The following OR9A2 variants were observed in gnomAD, a reference collection of about 807,000 sequenced individuals.
OR9A2 encodes olfactory receptor 9A2.
Under a neutral mutation model 18.7 loss-of-function variants are expected in OR9A2, and 14 were observed. That is an observed-to-expected ratio of 0.75 (90% CI 0.50 to 1.17). OR9A2 has a LOEUF of 1.17. OR9A2 is among the 50% of genes most tolerant of loss of function. The pLI is 0.00. For synonymous variants in OR9A2, 142 were observed against 142.6 expected, an observed-to-expected ratio of 1.00 and a Z score of 0.03; for missense variants, 353 against 372.7, an observed-to-expected ratio of 0.95 and a Z score of 0.44.
In OR9A2 at chr7:143,026,661, C is replaced by T; in HGVS notation, c.472G>A (p.Ala158Thr). 6.2e-7 allele frequency: 1 copy of T among 1,614,126 alleles called. No homozygotes were observed. The highest frequency in any genetic ancestry group is 1.3e-5 in the African/African-American group (1 of 75,010). The change falls in exon 1 of 1, where the codon GCC becomes ACC. Residue 158 changes from alanine (A) to threonine (T), a missense_variant. Transcript: ENST00000350513. Reference sequence around the variant, plus strand: ...TTGCGGAAGGTAAACTGAAATGTGGCATAGATGGGCCAGATTTCAGAAAGA... The same window carrying T: ...TTGCGGAAGGTAAACTGAAATGTGGTATAGATGGGCCAGATTTCAGAAAGA... ...GFLSEIWPIY[A>T]TFQFTFRKSN...
In OR9A2 at chr7:143,026,901, G is replaced by A; in HGVS notation, c.232C>T (p.Pro78Ser). Residue 78 changes from proline (P) to serine (S), a missense_variant, in exon 1 of 1, where the codon CCC becomes TCC. Coordinates refer to ENST00000350513, the MANE Select transcript of OR9A2 (RefSeq NM_001001658.1). ...AAGAGCAATCCCCAAAGCATCATGGGGACAATTATGGTTGTGACCAGGATC... is the reference window on the plus strand; with the variant it reads ...AAGAGCAATCCCCAAAGCATCATGGAGACAATTATGGTTGTGACCAGGATC... ...LEILVTTIIV[P>S]MMLWGLLFLG... 6.2e-7 allele frequency: 1 copy of A among 1,614,128 alleles called. No homozygotes were observed. The highest frequency in any genetic ancestry group is 1.1e-5 in the South Asian group (1 of 91,076).
rs149661607 is a variant in OR9A2, at chr7:143,027,000, T to C, written c.133A>G (p.Ile45Val). ...CGTTTATCCACACAGACAATCACAA[T>C]GATGACCGTGTTTCCCATTAATGTC... ...LVTLMGNTVI[I>V]VIVCVDKRLQ... The change falls in exon 1 of 1, where the codon ATT becomes GTT. Residue 45 changes from isoleucine (I) to valine (V), a missense_variant. By Grantham distance (29) the Ile-to-Val change is conservative. Coordinates refer to ENST00000350513, the MANE Select transcript of OR9A2 (RefSeq NM_001001658.1). 1.1e-5 allele frequency: 18 copies of C among 1,613,928 alleles called. No homozygotes were observed. The highest frequency in any genetic ancestry group is 5.3e-5 in the African/African-American group (4 of 74,870).
Position 143,026,806 on chromosome 7 carries a change from T to C in OR9A2, c.327A>G (p.Ala109=). The C allele has an allele frequency of 1.2e-6, 2 of 1,614,116 alleles. No individual in the cohort carries two copies. The highest frequency in any genetic ancestry group is 1.3e-5 in the African/African-American group (1 of 75,022). ...GGTCCACAGCCATCACTCCAAGTAA[T>C]GCAAACTCCATGGTCCCACAGGAAA... The part of the protein sequence containing the change: ...LNFSCGTMEF[A]LLGVMAVDRY... The change falls in exon 1 of 1, where the codon GCA becomes GCG. Residue 109 remains alanine, a synonymous_variant. Coordinates refer to ENST00000350513, the MANE Select transcript of OR9A2 (RefSeq NM_001001658.1).
chr7:143,026,526 G>C lies in OR9A2; in HGVS notation c.607C>G (p.Leu203Val). ...FILFLMAVFI[L>V]IGSLIPTIVS... ...ATCGTAGGGATCAAAGAACCAATGAGAATAAAAACAGCCATTAAGAAAAGG... is the reference window on the plus strand; with the variant it reads ...ATCGTAGGGATCAAAGAACCAATGACAATAAAAACAGCCATTAAGAAAAGG... The change falls in exon 1 of 1, where the codon CTC (leucine) becomes GTC (valine). Residue 203 changes from leucine (L) to valine (V), a missense_variant. Leu to Val is a conservative substitution (Grantham distance 32, BLOSUM62 1). Coordinates refer to ENST00000350513, the MANE Select transcript of OR9A2 (RefSeq NM_001001658.1). 1 of 1,614,106 alleles carries C rather than the reference G, an allele frequency of 6.2e-7. No individual in the cohort carries two copies.
In OR9A2 at chr7:143,026,271, G is replaced by A. The variant is rs1185612970; in HGVS notation, c.862C>T (p.Leu288Phe). 4.3e-6 allele frequency: 7 copies of A among 1,613,626 alleles called. No individual in the cohort carries two copies. Among genetic ancestry groups the A allele is most frequent in the Non-Finnish European group, 5.9e-6 (7 of 1,179,864 alleles). Residue 288 changes from leucine to phenylalanine, a missense_variant, in exon 1 of 1, where the codon CTT becomes TTT. Coordinates refer to ENST00000350513, the MANE Select transcript of OR9A2 (RefSeq NM_001001658.1). The part of the protein sequence containing the change: ...TPFLNPFIFT[L>F]RNDKVKEALR... ...GCCTCTTTGACTTTGTCATTCCGAA[G>A]AGTAAAGATGAAAGGATTCAGGAAG...
rs752588816 is a variant in OR9A2, at chr7:143,026,813, T to C, written c.320A>G (p.Glu107Gly). 93 of 1,613,906 alleles carry C rather than the reference T, an allele frequency of 5.8e-5. No homozygotes were observed. The highest frequency in any genetic ancestry group is 7.1e-5 in the Non-Finnish European group (84 of 1,180,006). The change falls in exon 1 of 1, where the codon GAG (glutamate) becomes GGG (glycine). Residue 107 changes from glutamate (E) to glycine (G), a missense_variant. By Grantham distance (98) the Glu-to-Gly change is moderately conservative. Coordinates refer to ENST00000350513, the MANE Select transcript of OR9A2 (RefSeq NM_001001658.1). ...VSLNFSCGTMEFALLGVMAVD... is the reference protein window; with the variant it reads ...VSLNFSCGTMGFALLGVMAVD... ...AGCCATCACTCCAAGTAATGCAAAC[T>C]CCATGGTCCCACAGGAAAAGTTGAG... is the stretch of plus-strand genomic sequence containing the variant.
At position 143,027,047 on chromosome 7, in the gene OR9A2, A is replaced by T. The variant is rs1305903059; in HGVS notation, c.86T>A (p.Ile29Lys). The T allele has an allele frequency of 6.2e-7, 1 of 1,614,036 alleles. No individual in the cohort carries two copies. Among genetic ancestry groups the T allele is most frequent in the African/African-American group, 1.3e-5 (1 of 75,042 alleles). Reference sequence around the variant, plus strand: ...TGTCACTAAATAGAAGAAAAAGAATATAGCAAAAAGAATGTGGTGTAGTCC... The same window carrying T: ...TGTCACTAAATAGAAGAAAAAGAATTTAGCAAAAAGAATGTGGTGTAGTCC... ...SQGLHHILFAIFFFFYLVTLM... is the reference protein window; with the variant it reads ...SQGLHHILFAKFFFFYLVTLM... Residue 29 changes from isoleucine to lysine, a missense_variant, in exon 1 of 1, where the codon ATA (isoleucine) becomes AAA (lysine). By Grantham distance (102) the Ile-to-Lys change is moderately radical. Coordinates refer to ENST00000350513, the MANE Select transcript of OR9A2 (RefSeq NM_001001658.1).
Position 143,026,859 on chromosome 7 carries a change from A to T in OR9A2, c.274T>A (p.Tyr92Asn). The change falls in exon 1 of 1, where the codon TAT (tyrosine) becomes AAT (asparagine). Residue 92 changes from tyrosine (Y) to asparagine (N), a missense_variant. Tyr to Asn is a moderately radical substitution (Grantham distance 143). Transcript: ENST00000350513. ...WGLLFLGCRQ[Y>N]LSLHVSLNFS... ...TTGAGCGATACATGTAGAGAAAGAT[A>T]CTGTCTGCATCCCAGGAAGAGCAAT... 1 of 1,614,224 alleles carries T rather than the reference A, an allele frequency of 6.2e-7. No homozygotes were observed. Among genetic ancestry groups the T allele is most frequent in the Non-Finnish European group, 8.5e-7 (1 of 1,180,038 alleles).
Position 143,026,418 on chromosome 7 carries a change from A to G in OR9A2, c.715T>C (p.Ser239Pro), listed in dbSNP as rs114974607. ...GRRKAFSTFASHFTCVVIGYG... is the reference protein window; with the variant it reads ...GRRKAFSTFAPHFTCVVIGYG... Reference sequence around the variant, plus strand: ...CCAATCACAACACAGGTGAAGTGGGAGGCAAAAGTGGAGAAGGCTTTCCTC... The same window carrying G: ...CCAATCACAACACAGGTGAAGTGGGGGGCAAAAGTGGAGAAGGCTTTCCTC... The change falls in exon 1 of 1, where the codon TCC (serine) becomes CCC (proline). Residue 239 changes from serine to proline, a missense_variant. Transcript: ENST00000350513. The G allele has an allele frequency of 1.4e-4, 224 of 1,614,146 alleles. No homozygotes were observed. In the African/African-American group the frequency reaches 2.5e-3, roughly 18 times the overall value.
In OR9A2 at chr7:143,026,766, A is replaced by G. The variant is rs770397800; in HGVS notation, c.367T>C (p.Cys123Arg). ...ATGATGTTGTACCTCAAAGGGTTAC[A>G]CACAGCCACATAACGGTCCACAGCC... ...VMAVDRYVAVCNPLRYNIIMN... is the reference protein window; with the variant it reads ...VMAVDRYVAVRNPLRYNIIMN... Residue 123 changes from cysteine (C) to arginine (R), a missense_variant, in exon 1 of 1, where the codon TGT becomes CGT. Cys to Arg is a radical substitution (Grantham distance 180, BLOSUM62 -3). Transcript: ENST00000350513. 1.9e-6 allele frequency: 3 copies of G among 1,614,200 alleles called. No individual in the cohort carries two copies. Among genetic ancestry groups the G allele is most frequent in the East Asian group, 2.2e-5 (1 of 44,880 alleles).
chr7:143,027,085 G>A lies in OR9A2; in HGVS notation c.48C>T (p.Phe16=). 6.2e-7 allele frequency: 1 copy of A among 1,611,446 alleles called. No homozygotes were observed. The highest frequency in any genetic ancestry group is 8.5e-7 in the Non-Finnish European group (1 of 1,178,584). ...TGTGGTGTAGTCCTTGGGACCCAGG[G>A]AAGCCTAGAAGGTGGAATTCAGTGG... ...SSATEFHLLG[F]PGSQGLHHIL... is the part of the protein sequence containing the mutation. Residue 16 remains phenylalanine, a synonymous_variant, in exon 1 of 1, where the codon TTC becomes TTT. Transcript: ENST00000350513.
chr7:143,026,776 A>C lies in OR9A2; in HGVS notation c.357T>G (p.Tyr119Ter), dbSNP rs749696120. 3 of 1,614,178 alleles carry C rather than the reference A, an allele frequency of 1.9e-6. No homozygotes were observed. The highest frequency in any genetic ancestry group is 4.5e-5 in the East Asian group (2 of 44,872). ...ACCTCAAAGGGTTACACACAGCCAC[A>C]TAACGGTCCACAGCCATCACTCCAA... ...ALLGVMAVDR[Y>*]VAVCNPLRYN... Residue 119 changes from tyrosine to a stop codon, truncating the protein, a stop_gained, in exon 1 of 1, where the codon TAT becomes TAG. Coordinates refer to ENST00000350513, the MANE Select transcript of OR9A2 (RefSeq NM_001001658.1). LOFTEE classifies it high-confidence loss of function.
At position 143,026,987 on chromosome 7, in the gene OR9A2, C is replaced by G; in HGVS notation, c.146G>C (p.Cys49Ser). The part of the protein sequence containing the change: ...MGNTVIIVIV[C>S]VDKRLQSPMY... ...GGGGGACTGCAGACGTTTATCCACACAGACAATCACAATGATGACCGTGTT... is the reference window on the plus strand; with the variant it reads ...GGGGGACTGCAGACGTTTATCCACAGAGACAATCACAATGATGACCGTGTT... The change falls in exon 1 of 1, where the codon TGT (cysteine) becomes TCT (serine). Residue 49 changes from cysteine (C) to serine (S), a missense_variant. Transcript: ENST00000350513. 6.2e-7 allele frequency: 1 copy of G among 1,614,138 alleles called. No homozygotes were observed. The highest frequency in any genetic ancestry group is 8.5e-7 in the Non-Finnish European group (1 of 1,180,008).
chr7:143,026,807 G>A lies in OR9A2; in HGVS notation c.326C>T (p.Ala109Val). 1.9e-6 allele frequency: 3 copies of A among 1,614,068 alleles called. No homozygotes were observed. Among genetic ancestry groups the A allele is most frequent in the Non-Finnish European group, 2.5e-6 (3 of 1,180,008 alleles). ...GTCCACAGCCATCACTCCAAGTAAT[G>A]CAAACTCCATGGTCCCACAGGAAAA... ...LNFSCGTMEFALLGVMAVDRY... is the reference protein window; with the variant it reads ...LNFSCGTMEFVLLGVMAVDRY... The change falls in exon 1 of 1, where the codon GCA becomes GTA. Residue 109 changes from alanine to valine, a missense_variant. Transcript: ENST00000350513.
Position 143,026,915 on chromosome 7 carries a change from G to C in OR9A2, c.218C>G (p.Thr73Arg), listed in dbSNP as rs370758120. The C allele has an allele frequency of 5.6e-6, 9 of 1,614,186 alleles. No homozygotes were observed. The South Asian group carries it at 9.9e-5, about 18-fold the overall frequency. Residue 73 changes from threonine to arginine, a missense_variant, in exon 1 of 1, where the codon ACA becomes AGA. By Grantham distance (71) the Thr-to-Arg change is moderately conservative (BLOSUM62 -1). Transcript: ENST00000350513. ...AAGCATCATGGGGACAATTATGGTT[G>C]TGACCAGGATCTCCAGGGTAGAGAG... The part of the protein sequence containing the change: ...SHLSTLEILV[T>R]TIIVPMMLWG...
rs749090622 is a variant in OR9A2 at position 143,026,454 on chromosome 7, C to A, written c.679G>T (p.Ala227Ser). The A allele has an allele frequency of 2.5e-6, 4 of 1,614,016 alleles. No homozygotes were observed. The highest frequency in any genetic ancestry group is 2.7e-5 in the African/African-American group (2 of 74,888). ...GAGAAGGCTTTCCTCCGGCCAGAGG[C>A]TGACGGGATCTTGAGGATGGTGGAG... is the stretch of plus-strand genomic sequence containing the variant. ...IISTILKIPS[A>S]SGRRKAFSTF... Residue 227 changes from alanine to serine, a missense_variant, in exon 1 of 1, where the codon GCC (alanine) becomes TCC (serine). Coordinates refer to ENST00000350513, the MANE Select transcript of OR9A2 (RefSeq NM_001001658.1).
Position 143,027,005 on chromosome 7 carries a change from A to G in OR9A2, c.128T>C (p.Val43Ala). 5 of 1,614,140 alleles carry G rather than the reference A, an allele frequency of 3.1e-6. No homozygotes were observed. Among genetic ancestry groups the G allele is most frequent in the Non-Finnish European group, 3.4e-6 (4 of 1,180,010 alleles). The change falls in exon 1 of 1, where the codon GTC becomes GCC. Residue 43 changes from valine (V) to alanine (A), a missense_variant. Transcript: ENST00000350513. ...FYLVTLMGNT[V>A]IIVIVCVDKR... ...ATCCACACAGACAATCACAATGATG[A>G]CCGTGTTTCCCATTAATGTCACTAA...
Position 143,026,663 on chromosome 7 carries a change from T to C in OR9A2, c.470A>G (p.Tyr157Cys), listed in dbSNP as rs924668986. 2.5e-6 allele frequency: 4 copies of C among 1,614,128 alleles called. No individual in the cohort carries two copies. The highest frequency in any genetic ancestry group is 3.4e-6 in the Non-Finnish European group (4 of 1,179,998). ...GCGGAAGGTAAACTGAAATGTGGCATAGATGGGCCAGATTTCAGAAAGAAA... is the reference window on the plus strand; with the variant it reads ...GCGGAAGGTAAACTGAAATGTGGCACAGATGGGCCAGATTTCAGAAAGAAA... ...FGFLSEIWPIYATFQFTFRKS... is the reference protein window; with the variant it reads ...FGFLSEIWPICATFQFTFRKS... Residue 157 changes from tyrosine to cysteine, a missense_variant, in exon 1 of 1, where the codon TAT becomes TGT. Tyr to Cys is a radical substitution (Grantham distance 194, BLOSUM62 -2). Coordinates refer to ENST00000350513, the MANE Select transcript of OR9A2 (RefSeq NM_001001658.1).
chr7:143,026,898 T>C lies in OR9A2; in HGVS notation c.235A>G (p.Met79Val), dbSNP rs1206341724. 2 of 1,613,876 alleles carry C rather than the reference T, an allele frequency of 1.2e-6. No homozygotes were observed. Among genetic ancestry groups the C allele is most frequent in the Admixed American group, 1.7e-5 (1 of 60,022 alleles). Reference protein sequence around the residue: ...EILVTTIIVPMMLWGLLFLGC... With the variant: ...EILVTTIIVPVMLWGLLFLGC... The stretch of plus-strand genomic sequence containing the variant: ...AGGAAGAGCAATCCCCAAAGCATCA[T>C]GGGGACAATTATGGTTGTGACCAGG... The change falls in exon 1 of 1, where the codon ATG becomes GTG. Residue 79 changes from methionine (M) to valine (V), a missense_variant. Physicochemically the swap from Met to Val is conservative, Grantham distance 21 (BLOSUM62 1). Transcript: ENST00000350513.
Sources: gnomAD v4.1 joint callset for allele counts on GRCh38, gnomAD v4.1.1 for gene constraint, MANE v1.5 for transcripts, NCBI Gene and HGNC (gene_info 2026-07-23, HGNC 2026-07-21) for gene names.